The following SCFD2 variants were observed in gnomAD, a reference collection of about 807,000 sequenced individuals.
SCFD2 encodes the protein sec1 family domain containing 2, also known as sec1 family domain-containing protein 2.
SCFD2 carries 54 observed loss-of-function variants against 58.9 expected under a neutral mutation model. The observed-to-expected ratio is 0.92, with a 90% CI of 0.74 to 1.15. The LOEUF (loss-of-function observed/expected upper bound fraction) is 1.15. Ranked by LOEUF, SCFD2 falls within the 50% of genes most tolerant of loss-of-function variation. The pLI is 0.00. For synonymous variants in SCFD2, 321 were observed against 335.9 expected (o/e 0.96, Z 0.49); for missense variants, 805 against 836.6 (o/e 0.96, Z 0.47).
At chr4:53,299,098 T>C (rs982203773) in intron 3 of SCFD2, among the ~76,000 whole-genome samples, 5 of 152,174 alleles carry the variant, frequency 3.3e-5, no homozygotes, top group Non-Finnish European at 5.9e-5. Flanking sequence ...GGACGGAGAA[T>C]GACTTTGATG....
chr4:53,276,783 C>T (rs1234958070), intron 3 of SCFD2, among the ~76,000 whole-genome samples: 1 of 152,186 alleles, frequency 6.6e-6, no homozygotes, highest in Non-Finnish European at 1.5e-5. Context: ...GGCTGTACCA[C>T]CAGCAACATA....
intron 5 of SCFD2, among the ~76,000 whole-genome samples, chr4:53,020,141 G>A (rs780498841): frequency 6.6e-5 from 10 of 152,106 alleles, no homozygotes; most frequent in South Asian, 2.1e-4. Context: ...TAGCTCTTCC[G>A]GTGCCCACAT....
intron 4 of SCFD2, among the ~76,000 whole-genome samples, chr4:53,237,784 C>A (rs1476017599): frequency 1.9e-4 from 15 of 79,542 alleles, no homozygotes; most frequent in South Asian, 5.5e-4. Context: ...ACCCCCCCAC[C>A]TCCATCCCGG....
intron 5 of SCFD2, among the ~76,000 whole-genome samples, chr4:53,074,863 C>A (rs989986802): frequency 6.6e-6 from 1 of 152,086 alleles, no homozygotes; most frequent in African/African-American, 2.4e-5. Context: ...ATTGTTAAGG[C>A]CCCTAAAATT....
chr4:53,015,635 C>A (rs1236889041), intron 5 of SCFD2, among the ~76,000 whole-genome samples: 3 of 152,158 alleles, frequency 2.0e-5, no homozygotes, highest in African/African-American at 7.2e-5. Context: ...CCCAGTTTAT[C>A]TTCCAAGTTG....
chr4:53,054,171 T>C (rs1303842688), intron 5 of SCFD2, among the ~76,000 whole-genome samples: 1 of 152,128 alleles, frequency 6.6e-6, no homozygotes, highest in African/African-American at 2.4e-5. Context: ...CATGTATAAG[T>C]GATAACATGT....
At chr4:53,199,037 A>G (rs184706650) in intron 4 of SCFD2, among the ~76,000 whole-genome samples, 59 of 152,176 alleles carry the variant, frequency 3.9e-4, no homozygotes, top group Middle Eastern at 6.8e-3. Flanking sequence ...AGTATGTAAA[A>G]TGCTCCCATC....
At chr4:52,909,445 G>T (rs567640714) in intron 6 of SCFD2, among the ~76,000 whole-genome samples, 83 of 152,270 alleles carry the variant, frequency 5.5e-4, no homozygotes, top group African/African-American at 1.9e-3. Context: ...GTGTATGATG[G>T]GTTAGCATTT....
chr4:53,273,816 A>G lies in SCFD2; in HGVS notation c.1311+10T>C. 1 of 1,604,570 alleles carries G rather than the reference A, an allele frequency of 6.2e-7. No homozygotes were observed. Among genetic ancestry groups the G allele is most frequent in the Admixed American group, 1.7e-5 (1 of 58,188 alleles). ...TATTAAGATCCCACGAGGTTCCCAT[A>G]GCAACATACCTGAAGAAGGAGCCTT... On this transcript the variant is annotated intron_variant, in intron 4 of 8. Coordinates refer to ENST00000401642, the MANE Select transcript of SCFD2 (RefSeq NM_152540.4).
At chr4:53,252,427 G>C (rs1219655283) in intron 4 of SCFD2, among the ~76,000 whole-genome samples, 1 of 151,628 alleles carries the variant, frequency 6.6e-6, no homozygotes, top group African/African-American at 2.4e-5. Flanking sequence ...GCATCGCCAA[G>C]TCAATCCTAA....
At chr4:53,293,829 C>T (rs1195282311) in intron 3 of SCFD2, among the ~76,000 whole-genome samples, 1 of 151,712 alleles carries the variant, frequency 6.6e-6, no homozygotes, top group East Asian at 1.9e-4. Context: ...TTTGCTGCAC[C>T]CATCAAACCA....
rs1191503024 is a variant in SCFD2, at chr4:53,148,001, T to A, written c.1312-2419A>T. Among the ~76,000 whole-genome samples, 4 of 152,282 alleles carry A rather than the reference T, an allele frequency of 2.6e-5. No individual in the cohort carries two copies. In the East Asian group the frequency reaches 7.7e-4, roughly 29 times the overall value. On this transcript the variant is annotated intron_variant, in intron 4 of 8. Transcript: ENST00000401642. Reference sequence around the variant, plus strand: ...TGGTTGGCCTGTTAAAGAAAGGTCATGAAGGCTGCAGCTTTCATTTTGGCT... The same window carrying A: ...TGGTTGGCCTGTTAAAGAAAGGTCAAGAAGGCTGCAGCTTTCATTTTGGCT...
At chr4:53,304,778 T>G (rs1288399097) in intron 3 of SCFD2, among the ~76,000 whole-genome samples, 2 of 152,058 alleles carry the variant, frequency 1.3e-5, no homozygotes, top group African/African-American at 4.8e-5. Context: ...ACATGCTCCT[T>G]TAGTTCGGAG....
At chr4:53,304,267 CT>C (rs1732440593) in intron 3 of SCFD2, among the ~76,000 whole-genome samples, 1 of 151,976 alleles carries the variant, frequency 6.6e-6, no homozygotes, top group Non-Finnish European at 1.5e-5. Flanking sequence ...ACATTTTTTC[CT>C]TCATTTCAAC....
chr4:53,097,865 CT>C (rs996090254), intron 5 of SCFD2, among the ~76,000 whole-genome samples: 1 of 152,106 alleles, frequency 6.6e-6, no homozygotes, highest in Non-Finnish European at 1.5e-5. Flanking sequence ...TCATAAATAG[CT>C]CTTATTATTT....
chr4:53,174,145 C>G (rs1170964222), intron 4 of SCFD2, among the ~76,000 whole-genome samples: 1 of 151,360 alleles, frequency 6.6e-6, no homozygotes, highest in Non-Finnish European at 1.5e-5. Context: ...CTGAAGATAT[C>G]AACAAAACCA....
At chr4:53,164,551 T>C (rs1726947324) in intron 4 of SCFD2, among the ~76,000 whole-genome samples, 1 of 151,850 alleles carries the variant, frequency 6.6e-6, no homozygotes, top group South Asian at 2.1e-4. Context: ...CCCAGCACTG[T>C]GGGAGGCCAA....
chr4:52,886,392 C>T (rs553843887), intron 7 of SCFD2, among the ~76,000 whole-genome samples: 88 of 152,350 alleles, frequency 5.8e-4, no homozygotes, highest in Admixed American at 1.2e-3. Flanking sequence ...TTCTTCTCCA[C>T]GCTCCTCACT....
intron 5 of SCFD2, among the ~76,000 whole-genome samples, chr4:53,012,667 G>A (rs1364490187): frequency 1.3e-5 from 2 of 152,028 alleles, no homozygotes. Context: ...CATTTCAGGA[G>A]AGATGAACCA....
Sources: allele counts gnomAD v4.1 joint callset (sites outside exome capture counted in the v4.1 genomes callset), GRCh38; gene constraint gnomAD v4.1.1; transcripts MANE v1.5; gene names NCBI Gene and HGNC (gene_info 2026-07-23, HGNC 2026-07-21).